The following ADGRG6 variants were observed in gnomAD, a reference collection of about 807,000 sequenced individuals.
ADGRG6 encodes the protein G-protein coupled receptor 126.
In ADGRG6, 84 loss-of-function variants were observed where a neutral mutation model predicts 142.4. That is an observed-to-expected ratio of 0.59 (90% CI 0.49 to 0.71). The LOEUF (loss-of-function observed/expected upper bound fraction) is 0.71, where lower values mean the gene tolerates loss of function less well. Among genes scored for constraint, ADGRG6 ranks in the 30% least tolerant of loss-of-function variants. The pLI is 0.00. For missense variants in ADGRG6, 1,367 were observed against 1,466.6 expected, an observed-to-expected ratio of 0.93 and a Z score of 1.11; for synonymous variants, 521 against 520.5, an observed-to-expected ratio of 1.00 and a Z score of -0.01.
intron 2 of ADGRG6, among the ~76,000 whole-genome samples, chr6:142,359,444 T>C (rs1247750968): frequency 6.6e-6 from 1 of 152,152 alleles, no homozygotes; most frequent in Non-Finnish European, 1.5e-5. Flanking sequence ...CAGTCTATGC[T>C]GTCTTGTACC....
At chr6:142,424,679 G>A (rs561920142) in intron 22 of ADGRG6, among the ~76,000 whole-genome samples, 1 of 151,630 alleles carries the variant, frequency 6.6e-6, no homozygotes, top group Non-Finnish European at 1.5e-5. Context: ...AATGATGCTG[G>A]CCTCATAAAA....
chr6:142,323,156 A>G (rs577556543), intron 2 of ADGRG6, among the ~76,000 whole-genome samples: 1 of 151,668 alleles, frequency 6.6e-6, no homozygotes, highest in African/African-American at 2.4e-5. Flanking sequence ...TGTAATGAGA[A>G]TGGGGCTATT....
intron 13 of ADGRG6, among the ~76,000 whole-genome samples, chr6:142,403,413 TAA>T (rs1775637982): frequency 2.6e-5 from 4 of 152,188 alleles, no homozygotes; most frequent in Non-Finnish European, 5.9e-5. Context: ...AATAACAATA[TAA>T]ACATTTTTAT....
At chr6:142,436,119 G>T (rs1777474534) in intron 22 of ADGRG6, among the ~76,000 whole-genome samples, 1 of 152,092 alleles carries the variant, frequency 6.6e-6, no homozygotes, top group East Asian at 1.9e-4. Flanking sequence ...CCTGGTGGGG[G>T]GTAGGGGAGA....
intron 1 of ADGRG6, 131 bp from the exon 2 acceptor site, chr6:142,309,413 C>G (rs769420548): frequency 1.3e-5 from 7 of 546,008 alleles, no homozygotes; most frequent in East Asian, 3.1e-5. Flanking sequence ...TTAAGTTCCT[C>G]CTCTATTTGG....
chr6:142,344,437 A>G (rs1779800870), intron 2 of ADGRG6, among the ~76,000 whole-genome samples: 1 of 151,980 alleles, frequency 6.6e-6, no homozygotes, highest in Admixed American at 6.6e-5. Flanking sequence ...TGTTCATAAG[A>G]AAATATCTAG....
At chr6:142,308,043 A>G (rs1457298780) in intron 1 of ADGRG6, among the ~76,000 whole-genome samples, 2 of 152,014 alleles carry the variant, frequency 1.3e-5, no homozygotes, top group Middle Eastern at 3.2e-3. Flanking sequence ...GGCATATGAG[A>G]TTAATCTTGT....
intron 22 of ADGRG6, among the ~76,000 whole-genome samples, chr6:142,425,957 A>T (rs1248182976): frequency 6.6e-6 from 1 of 152,156 alleles, no homozygotes; most frequent in Non-Finnish European, 1.5e-5. Context: ...CCCAGGAAAG[A>T]CTTGCCCCCA....
chr6:142,411,244 A>C (rs1776064673), intron 17 of ADGRG6, 61 bp from the exon 18 acceptor site: 6 of 881,498 alleles, frequency 6.8e-6, no homozygotes, highest in Non-Finnish European at 1.2e-5. Context: ...AGAAGGTCTC[A>C]TCCATTATAG....
intron 6 of ADGRG6, among the ~76,000 whole-genome samples, chr6:142,388,760 C>T (rs1782156313): frequency 6.6e-6 from 1 of 151,960 alleles, no homozygotes; most frequent in Non-Finnish European, 1.5e-5. Flanking sequence ...CACCGAATGC[C>T]TGTTGTTTTC....
intron 2 of ADGRG6, among the ~76,000 whole-genome samples, chr6:142,315,214 C>G (rs560017378): frequency 7.2e-5 from 11 of 152,208 alleles, no homozygotes; most frequent in African/African-American, 1.9e-4. Flanking sequence ...ACAAAATTGT[C>G]TAACACTTTT....
At chr6:142,302,392 GC>G (rs1432591375) in intron 1 of ADGRG6, 61 bp downstream of exon 1, 5 of 1,565,624 alleles carry the variant, frequency 3.2e-6, no homozygotes, top group South Asian at 2.3e-5. Flanking sequence ...ACCTTCTGTC[GC>G]CCCCTCCCCG....
Position 142,325,889 on chromosome 6 carries a change from C to T in ADGRG6, c.103+16245C>T, listed in dbSNP as rs189617863. Among the ~76,000 whole-genome samples, 144 of 151,714 alleles carry T rather than the reference C, an allele frequency of 9.5e-4. 1 individual carries two copies. In the Middle Eastern group the frequency reaches 0.018, roughly 19 times the overall value. On this transcript the variant is annotated intron_variant, in intron 2 of 24. Transcript: ENST00000367609. ...TTTTGATTAATTACTAAGAGGATTA[C>T]CTAAGAATATAATTCAGTAGCAAAT... is the stretch of plus-strand genomic sequence containing the variant.
rs201582584 is a variant in ADGRG6 at position 142,370,690 on chromosome 6, C to G, written c.966C>G (p.Leu322=). Residue 322 remains leucine (L), a synonymous_variant, in exon 4 of 25, where the codon CTC becomes CTG. Transcript: ENST00000367609. The part of the protein sequence containing the change: ...LWNFTMNAKI[L]SNLSCNVKGN... ...ATTTTACCATGAATGCCAAAATCCT[C>G]TCCAACCTCAGCTGTAATGTGAAAG... is the stretch of plus-strand genomic sequence containing the variant. 918 of 1,613,736 alleles carry G rather than the reference C, an allele frequency of 5.7e-4. 1 individual carries two copies. The highest frequency in any genetic ancestry group is 7.0e-4 in the Non-Finnish European group (822 of 1,179,674).
intron 2 of ADGRG6, among the ~76,000 whole-genome samples, chr6:142,365,224 A>G (rs1380824786): frequency 3.9e-5 from 6 of 152,196 alleles, no homozygotes; most frequent in Non-Finnish European, 4.4e-5. Context: ...ATATAATTGG[A>G]AGAAACAGCC....
At chr6:142,302,404 A>G (rs991517017) in intron 1 of ADGRG6, 73 bp downstream of exon 1, 1 of 1,466,732 alleles carries the variant, frequency 6.8e-7, no homozygotes, top group African/African-American at 1.4e-5. Context: ...CCCCTCCCCG[A>G]CCACCCCACC....
chr6:142,437,957 T>A (rs1777565692), intron 23 of ADGRG6: 5 of 334,434 alleles, frequency 1.5e-5, no homozygotes, highest in Non-Finnish European at 2.7e-5. Context: ...CTTTCTTTGT[T>A]TTTCTTTTTA....
intron 2 of ADGRG6, among the ~76,000 whole-genome samples, chr6:142,340,394 C>T (rs532806424): frequency 2.0e-5 from 3 of 152,140 alleles, no homozygotes; most frequent in South Asian, 2.1e-4. Flanking sequence ...CATGATTAAA[C>T]TTATTCAATT....
intron 18 of ADGRG6, among the ~76,000 whole-genome samples, chr6:142,412,117 A>C (rs1394361236): frequency 6.6e-6 from 1 of 152,148 alleles, no homozygotes; most frequent in African/African-American, 2.4e-5. Context: ...TATCCCACCA[A>C]ATTTTAAGAC....
Sources: gnomAD v4.1 joint callset for allele counts (sites outside exome capture counted in the v4.1 genomes callset) on GRCh38, gnomAD v4.1.1 for gene constraint, MANE v1.5 for transcripts, NCBI Gene and HGNC (gene_info 2026-07-23, HGNC 2026-07-21) for gene names.